TOX3: variants seen among roughly 807,000 people sequenced by gnomAD.
TOX3 encodes the protein CAG trinucleotide repeat-containing gene F9 protein.
In TOX3, 22 loss-of-function variants were observed where a neutral mutation model predicts 64.3. That is an observed-to-expected ratio of 0.34 (90% CI 0.24 to 0.49). The LOEUF (loss-of-function observed/expected upper bound fraction) is 0.49, where lower values mean the gene tolerates loss of function less well. Ranked by LOEUF, TOX3 falls within the 20% of genes least tolerant of loss-of-function variation. The probability of loss-of-function intolerance (pLI) is 0.99; values close to 1 mark genes in which losing one functional copy is unlikely to be tolerated. For synonymous variants in TOX3, 291 were observed against 273.6 expected, an observed-to-expected ratio of 1.06 and a Z score of -0.63; for missense variants, 661 against 714.4, an observed-to-expected ratio of 0.93 and a Z score of 0.85.
At chr16:52,459,058 A>T (rs117048134) in intron 3 of TOX3, among the ~76,000 whole-genome samples, 2,667 of 152,294 alleles carry the variant, frequency 0.018, 34 homozygotes, top group Non-Finnish European at 0.025. Context: ...TCATGCCTCT[A>T]ATCACAGCAC....
intron 1 of TOX3, among the ~76,000 whole-genome samples, chr16:52,507,099 C>A (rs543925492): frequency 6.6e-6 from 1 of 152,098 alleles, no homozygotes; most frequent in Admixed American, 6.5e-5. Flanking sequence ...ACATGTACAC[C>A]TAAGACCTAC....
chr16:52,494,435 G>A (rs1961784355), intron 1 of TOX3, among the ~76,000 whole-genome samples: 1 of 152,126 alleles, frequency 6.6e-6, no homozygotes, highest in Admixed American at 6.5e-5. Context: ...CTTAATACTT[G>A]AACAGGAAAT....
chr16:52,526,768 G>C (rs1166229832), intron 1 of TOX3, among the ~76,000 whole-genome samples: 4 of 152,164 alleles, frequency 2.6e-5, no homozygotes, highest in African/African-American at 9.7e-5. Context: ...TTTTCTGTTT[G>C]GGAAAAGCTG....
intron 1 of TOX3, among the ~76,000 whole-genome samples, chr16:52,524,451 G>C (rs933325515): frequency 2.0e-5 from 3 of 152,182 alleles, no homozygotes; most frequent in African/African-American, 7.2e-5. Flanking sequence ...CATGTATGGA[G>C]CAGTAAATGC....
At chr16:52,531,535 A>T (rs997201731) in intron 1 of TOX3, among the ~76,000 whole-genome samples, 1 of 152,232 alleles carries the variant, frequency 6.6e-6, no homozygotes, top group Non-Finnish European at 1.5e-5. Flanking sequence ...AAAACTTTTT[A>T]AAAGTTTAAT....
At chr16:52,481,990 T>C (rs1567327848) in intron 1 of TOX3, among the ~76,000 whole-genome samples, 1 of 152,188 alleles carries the variant, frequency 6.6e-6, no homozygotes, top group South Asian at 2.1e-4. Flanking sequence ...TATTCCAAAA[T>C]CTGTAACTTA....
At chr16:52,483,515 C>T (rs374168990) in intron 1 of TOX3, among the ~76,000 whole-genome samples, 2 of 149,830 alleles carry the variant, frequency 1.3e-5, no homozygotes, top group East Asian at 4.0e-4. Context: ...ACCCATTCAC[C>T]GTTGGGTAAA....
chr16:52,488,493 T>G (rs1961589398), intron 1 of TOX3, among the ~76,000 whole-genome samples: 1 of 152,206 alleles, frequency 6.6e-6, no homozygotes, highest in Non-Finnish European at 1.5e-5. Flanking sequence ...TTTCTGCAAT[T>G]CTAATGCTTT....
chr16:52,439,338 T>C lies in TOX3; in HGVS notation c.1618A>G (p.Ile540Val). Residue 540 changes from isoleucine (I) to valine (V), a missense_variant, in exon 7 of 7, where the codon ATA (isoleucine) becomes GTA (valine). By Grantham distance (29) the Ile-to-Val change is conservative. Coordinates refer to ENST00000219746, the MANE Select transcript of TOX3 (RefSeq NM_001080430.4). ...PRQHSPVASQ[I>V]TSPIPAIGSP... is the part of the protein sequence containing the mutation. ...CCGATGGCAGGGATGGGGGATGTTA[T>C]CTGAGAGGCGACAGGGGAGTGCTGC... The C allele has an allele frequency of 6.2e-7, 1 of 1,613,088 alleles. No individual in the cohort carries two copies. The highest frequency in any genetic ancestry group is 8.5e-7 in the Non-Finnish European group (1 of 1,179,420).
intron 3 of TOX3, among the ~76,000 whole-genome samples, chr16:52,455,374 C>A (rs1056965862): frequency 6.6e-6 from 1 of 152,066 alleles, no homozygotes; most frequent in Non-Finnish European, 1.5e-5. Flanking sequence ...AGTAGCCGCC[C>A]TTTCCCTACC....
chr16:52,448,044 C>T (rs915503516), intron 4 of TOX3, among the ~76,000 whole-genome samples: 5 of 152,034 alleles, frequency 3.3e-5, no homozygotes, highest in Non-Finnish European at 7.4e-5. Flanking sequence ...CTTGGATAAC[C>T]ATGATGTGCC....
At chr16:52,504,454 G>A (rs909345114) in intron 1 of TOX3, among the ~76,000 whole-genome samples, 3 of 135,310 alleles carry the variant, frequency 2.2e-5, no homozygotes, top group Non-Finnish European at 4.6e-5. Context: ...GTGATAGAGC[G>A]AGACTCCGTC....
At position 52,536,281 on chromosome 16, in the gene TOX3, T is replaced by C. The variant is rs184288339; in HGVS notation, c.87+10356A>G. On this transcript the variant is annotated intron_variant, in intron 1 of 6. Coordinates refer to ENST00000219746, the MANE Select transcript of TOX3 (RefSeq NM_001080430.4). ...GGTAGAGAGATATTAATTAGAGAGA[T>C]GGGGAAAAGGATATTTTAGAAATTG... 1.6e-3 allele frequency among the ~76,000 whole-genome samples: 250 copies of C among 151,878 alleles called. 2 individuals carry two copies. The highest frequency in any genetic ancestry group is 5.7e-3 in the African/African-American group (237 of 41,426).
chr16:52,452,978 T>A (rs1307999036), intron 3 of TOX3, among the ~76,000 whole-genome samples: 1 of 152,194 alleles, frequency 6.6e-6, no homozygotes, highest in African/African-American at 2.4e-5. Flanking sequence ...GTGGATTTTA[T>A]GTTATCTGTT....
At chr16:52,528,438 C>T (rs1962773951) in intron 1 of TOX3, among the ~76,000 whole-genome samples, 2 of 151,748 alleles carry the variant, frequency 1.3e-5, no homozygotes, top group South Asian at 2.1e-4. Context: ...CTGTCCAGCA[C>T]CCAGCAGAGT....
chr16:52,450,680 T>G (rs1170259317), intron 3 of TOX3, 134 bp from the exon 4 acceptor site: 2 of 1,103,500 alleles, frequency 1.8e-6, no homozygotes, highest in Non-Finnish European at 2.5e-6. Flanking sequence ...AGGATGATGG[T>G]CTCCGTTCAT....
At position 52,456,928 on chromosome 16, in the gene TOX3, T is replaced by C. The variant is rs141533069; in HGVS notation, c.409-6382A>G. Among the ~76,000 whole-genome samples the C allele has an allele frequency of 1.6e-4, 25 of 152,302 alleles. No homozygotes were observed. In the East Asian group the frequency reaches 4.6e-3, roughly 28 times the overall value. On this transcript the variant is annotated intron_variant, in intron 3 of 6. Coordinates refer to ENST00000219746, the MANE Select transcript of TOX3 (RefSeq NM_001080430.4). ...TAATTAGCCCCAAACTGAGTCTTTC[T>C]CCTGGACTTAATCAAGATTAAAAGA...
At chr16:52,495,679 T>G (rs777797697) in intron 1 of TOX3, among the ~76,000 whole-genome samples, 16 of 152,174 alleles carry the variant, frequency 1.1e-4, no homozygotes, top group Non-Finnish European at 1.6e-4. Flanking sequence ...ACCACCACGG[T>G]GTTAACACAC....
intron 1 of TOX3, among the ~76,000 whole-genome samples, chr16:52,479,326 G>A (rs1961304614): frequency 6.6e-6 from 1 of 152,196 alleles, no homozygotes; most frequent in Admixed American, 6.5e-5. Context: ...AGACAAGGCT[G>A]ATATAGGAGC....
Sources: gnomAD v4.1 joint callset for allele counts (sites outside exome capture counted in the v4.1 genomes callset) on GRCh38, gnomAD v4.1.1 for gene constraint, MANE v1.5 for transcripts, NCBI Gene and HGNC (gene_info 2026-07-23, HGNC 2026-07-21) for gene names.